The following CPZ variants were observed in gnomAD, a reference collection of about 807,000 sequenced individuals.
The protein encoded by CPZ is carboxypeptidase Z, also known as VEZT/CPZ fusion.
CPZ carries 103 observed loss-of-function variants against 61.8 expected under a neutral mutation model. The observed-to-expected ratio is 1.67, with a 90% CI of 1.42 to 1.96. The LOEUF (loss-of-function observed/expected upper bound fraction) is 1.96, where lower values mean the gene tolerates loss of function less well. Ranked by LOEUF, CPZ falls within the 30% of genes most tolerant of loss-of-function variation. CPZ has a pLI of 0.00. For synonymous variants in CPZ, 551 were observed against 373.7 expected (o/e 1.47, Z -5.47); for missense variants, 1,461 against 914.9 (o/e 1.60, Z -7.70).
chr4:8,601,592 T>C, intron 3 of CPZ, 95 bp downstream of exon 3: 1 of 1,290,940 alleles, frequency 7.7e-7, no homozygotes, highest in Non-Finnish European at 1.0e-6. Context: ...GGCTTTTCCA[T>C]CGACAGTGAC....
chr4:8,601,062 C>G, intron 2 of CPZ, 61 bp from the exon 3 acceptor site: 1 of 1,511,536 alleles, frequency 6.6e-7, no homozygotes, highest in Non-Finnish European at 8.9e-7. Flanking sequence ...ACGTAAATGT[C>G]TGATGCGTGA....
chr4:8,613,433 GT>G (rs1715884794), intron 8 of CPZ, among the ~76,000 whole-genome samples: 1 of 152,198 alleles, frequency 6.6e-6, no homozygotes, highest in South Asian at 2.1e-4. Flanking sequence ...CCTGGCCTCT[GT>G]CCCTCTTGCC....
intron 2 of CPZ, chr4:8,600,012 C>T (rs1714453294): frequency 1.3e-5 from 2 of 152,834 alleles, no homozygotes; most frequent in Non-Finnish European, 2.9e-5. Flanking sequence ...GCAAACATTT[C>T]ATTGTCGCCT....
At chr4:8,618,591 A>C (rs796978752) in intron 10 of CPZ, 63 bp downstream of exon 10, 1 of 1,509,896 alleles carries the variant, frequency 6.6e-7, no homozygotes, top group African/African-American at 1.4e-5. Flanking sequence ...ACACCGTGGC[A>C]GCCGGCACCC....
intron 7 of CPZ, among the ~76,000 whole-genome samples, chr4:8,611,751 G>A (rs1181311917): frequency 6.6e-6 from 1 of 151,922 alleles, no homozygotes; most frequent in African/African-American, 2.4e-5. Context: ...CACACTACCC[G>A]GCCAGGTGTG....
At position 8,614,304 on chromosome 4, in the gene CPZ, C is replaced by T. The variant is rs987331944; in HGVS notation, c.1364-55C>T. On this transcript the variant is annotated intron_variant, in intron 8 of 10. Coordinates refer to ENST00000360986, the MANE Select transcript of CPZ (RefSeq NM_001014447.3). ...TGTGCGGCTGACACCCCTGACGTCC[C>T]GGCTGTCTCTGTGCGGCTGACACCC... is the stretch of plus-strand genomic sequence containing the variant. The T allele has an allele frequency of 3.7e-5, 58 of 1,578,350 alleles. 1 individual carries two copies. Among genetic ancestry groups the T allele is most frequent in the Admixed American group, 6.9e-5 (4 of 58,046 alleles).
intron 9 of CPZ, among the ~76,000 whole-genome samples, chr4:8,615,747 C>T (rs1034150569): frequency 2.0e-5 from 3 of 152,202 alleles, no homozygotes; most frequent in African/African-American, 7.2e-5. Context: ...TGGTGTCGCC[C>T]AGATCTGCTT....
rs369339692 is a variant in CPZ, at chr4:8,601,521, G to T, written c.496+24G>T. Reference sequence around the variant, plus strand: ...GGGTAAGGGAAAGTGGCGGGGGCCTGTGTGGTCATGGGGTCCAGGTGGTCA... The same window carrying T: ...GGGTAAGGGAAAGTGGCGGGGGCCTTTGTGGTCATGGGGTCCAGGTGGTCA... On this transcript the variant is annotated intron_variant, in intron 3 of 10. Transcript: ENST00000360986. The T allele has an allele frequency of 3.6e-3, 5,203 of 1,443,684 alleles. 26 individuals are homozygous for T. The highest frequency in any genetic ancestry group is 4.3e-3 in the Non-Finnish European group (4,704 of 1,097,288). The allele number at this position is 1,443,684 out of a possible 1,614,324, so 89.4% of individuals were successfully genotyped here. A position where few individuals can be genotyped will look rare whatever the true frequency, so the allele number is the denominator to read the frequency against.
intron 9 of CPZ, among the ~76,000 whole-genome samples, chr4:8,616,432 T>C (rs1319116000): frequency 6.6e-6 from 1 of 152,008 alleles, no homozygotes; most frequent in African/African-American, 2.4e-5. Context: ...TAAGAGACCC[T>C]CCTGGGAGAG....
intron 7 of CPZ, chr4:8,611,102 A>ACT: frequency 2.4e-6 from 1 of 412,868 alleles, no homozygotes; most frequent in Non-Finnish European, 5.1e-6. Context: ...TCACTCACTC[A>ACT]CTCACTCACT....
In CPZ at chr4:8,607,422, G is replaced by C; in HGVS notation, c.1224G>C (p.Glu408Asp). 1 of 1,613,880 alleles carries C rather than the reference G, an allele frequency of 6.2e-7. No individual in the cohort carries two copies. Among genetic ancestry groups the C allele is most frequent in the Non-Finnish European group, 8.5e-7 (1 of 1,179,886 alleles). ...AGATGTTTTCTCCCACGCCCGACGAGAAGGTGAGAGGGCTGTCGGGTGTGT... is the reference window on the plus strand; with the variant it reads ...AGATGTTTTCTCCCACGCCCGACGACAAGGTGAGAGGGCTGTCGGGTGTGT... ...EEKMFSPTPD[E>D]KMFKLLSRAY... Residue 408 changes from glutamate to aspartate, a missense_variant, in exon 7 of 11, where the codon GAG becomes GAC. Physicochemically the swap from Glu to Asp is conservative, Grantham distance 45. Transcript: ENST00000360986.
chr4:8,607,232 C>T (rs370426454), intron 6 of CPZ, 35 bp from the exon 7 acceptor site: 12 of 1,606,226 alleles, frequency 7.5e-6, no homozygotes, highest in African/African-American at 1.3e-5. Flanking sequence ...GTGGGAAAGC[C>T]CAGCCCTGAG....
At chr4:8,613,700 G>T (rs889943185) in intron 8 of CPZ, among the ~76,000 whole-genome samples, 1 of 152,246 alleles carries the variant, frequency 6.6e-6, no homozygotes, top group Non-Finnish European at 1.5e-5. Flanking sequence ...TCCAAGAGCA[G>T]ATGGCACAGA....
Position 8,612,179 on chromosome 4 carries a change from GC to G in CPZ, c.1363+18del. The G allele has an allele frequency of 1.9e-6, 2 of 1,048,938 alleles. No individual in the cohort carries two copies. Among genetic ancestry groups the G allele is most frequent in the Non-Finnish European group, 1.3e-6 (1 of 781,134 alleles). 65.0% of individuals were successfully genotyped at this position (1,048,938 alleles called of 1,614,324 possible). A position where few individuals can be genotyped will look rare whatever the true frequency, so the allele number is the denominator to read the frequency against. ...TCACGGGAGGTGCGGCTTCCGCAGG[GC>G]GGGACTGGGCGGGGGGTGGGGGGTG... On this transcript the variant is annotated intron_variant, in intron 8 of 10. Coordinates refer to ENST00000360986, the MANE Select transcript of CPZ (RefSeq NM_001014447.3).
chr4:8,619,239 A>G (rs557309600), intron 10 of CPZ, 23 bp from the exon 11 acceptor site: 1 of 1,580,312 alleles, frequency 6.3e-7, no homozygotes, highest in Non-Finnish European at 8.6e-7. Context: ...CGTGAGAATC[A>G]TTTTTAATCT....
At chr4:8,608,510 G>C (rs1347951115) in intron 7 of CPZ, among the ~76,000 whole-genome samples, 1 of 152,126 alleles carries the variant, frequency 6.6e-6, no homozygotes. Flanking sequence ...GCCCCTCCCT[G>C]TCCTGGGGCC....
chr4:8,609,132 T>TCACC (rs1553877614), intron 7 of CPZ, among the ~76,000 whole-genome samples: 2,734 of 134,672 alleles, frequency 0.02, 46 homozygotes, highest in Middle Eastern at 0.039. Flanking sequence ...ACTCATTCAC[T>TCACC]CATTTACTCA....
rs767690202 is a variant in CPZ at position 8,601,431 on chromosome 4, C to G, written c.430C>G (p.Leu144Val). ...CATTGACATGGCCTGGCCCTACTTCCTTGACTGCCACCGCTACTTCACGAG... is the reference window on the plus strand; with the variant it reads ...CATTGACATGGCCTGGCCCTACTTCGTTGACTGCCACCGCTACTTCACGAG... Reference protein sequence around the residue: ...DAIDMAWPYFLDCHRYFTRED... With the variant: ...DAIDMAWPYFVDCHRYFTRED... Residue 144 changes from leucine (L) to valine (V), a missense_variant, in exon 3 of 11, where the codon CTT becomes GTT. Transcript: ENST00000360986. 1.3e-6 allele frequency: 2 copies of G among 1,561,902 alleles called. No homozygotes were observed. Among genetic ancestry groups the G allele is most frequent in the Middle Eastern group, 1.7e-4 (1 of 5,984 alleles).
chr4:8,618,739 T>C (rs1290300530), intron 10 of CPZ, among the ~76,000 whole-genome samples: 1 of 152,164 alleles, frequency 6.6e-6, no homozygotes, highest in Non-Finnish European at 1.5e-5. Flanking sequence ...TGCCCAGCCG[T>C]AGCTACTGAA....
Sources: allele counts gnomAD v4.1 joint callset (sites outside exome capture counted in the v4.1 genomes callset), GRCh38; gene constraint gnomAD v4.1.1; transcripts MANE v1.5; gene names NCBI Gene and HGNC (gene_info 2026-07-23, HGNC 2026-07-21).